Variants in CBLB observed in about 807,000 individuals in gnomAD.
CBLB encodes the protein E3 ubiquitin-protein ligase CBL-B.
Under a neutral mutation model 104.9 loss-of-function variants are expected in CBLB, and 31 were observed. The ratio of observed to expected loss-of-function variants is 0.30; its 90% CI spans 0.22 to 0.40. CBLB has a LOEUF of 0.40. Among genes scored for constraint, CBLB ranks in the 10% least tolerant of loss-of-function variants. CBLB has a pLI of 1.00. For missense variants in CBLB, 1,062 were observed against 1,214.6 expected (o/e 0.87, Z 1.87); for synonymous variants, 440 against 422.6 (o/e 1.04, Z -0.51).
chr3:105,696,520 T>C (rs1001654657), intron 12 of CBLB, among the ~76,000 whole-genome samples: 2 of 151,872 alleles, frequency 1.3e-5, no homozygotes, highest in Non-Finnish European at 3.0e-5. Flanking sequence ...AAAAGAACTA[T>C]AGTTCCTCAA....
At chr3:105,746,664 T>C (rs1159630331) in intron 5 of CBLB, among the ~76,000 whole-genome samples, 1 of 152,230 alleles carries the variant, frequency 6.6e-6, no homozygotes, top group Non-Finnish European at 1.5e-5. Context: ...TTTAAAATTG[T>C]TACCTCTTGC....
At chr3:105,689,208 G>C (rs1439364600) in intron 13 of CBLB, among the ~76,000 whole-genome samples, 1 of 151,850 alleles carries the variant, frequency 6.6e-6, no homozygotes. Flanking sequence ...ATTTTATCTT[G>C]TACAAACTGA....
chr3:105,752,960 G>A (rs377098423), intron 4 of CBLB, among the ~76,000 whole-genome samples: 1 of 152,160 alleles, frequency 6.6e-6, no homozygotes, highest in African/African-American at 2.4e-5. Flanking sequence ...CACTGTTGGG[G>A]AAATACAATT....
At chr3:105,677,020 T>C (rs1026148400) in intron 17 of CBLB, among the ~76,000 whole-genome samples, 3 of 152,144 alleles carry the variant, frequency 2.0e-5, no homozygotes, top group Admixed American at 1.3e-4. Context: ...CCCTTTTCTT[T>C]ACAAATTACC....
chr3:105,718,899 A>G (rs2072338348), intron 10 of CBLB, among the ~76,000 whole-genome samples: 1 of 152,214 alleles, frequency 6.6e-6, no homozygotes, highest in Non-Finnish European at 1.5e-5. Context: ...CCTGATATCC[A>G]AGAGTCTACC....
chr3:105,834,288 AT>A (rs1454947164), intron 3 of CBLB, among the ~76,000 whole-genome samples: 1 of 152,232 alleles, frequency 6.6e-6, no homozygotes. Flanking sequence ...AATTAGCTTG[AT>A]TTAGCCATTC....
chr3:105,813,881 TCTC>T (rs2084651737), intron 3 of CBLB, among the ~76,000 whole-genome samples: 1 of 152,162 alleles, frequency 6.6e-6, no homozygotes, highest in Non-Finnish European at 1.5e-5. Context: ...AATCAGCTTT[TCTC>T]CTCTTCAACA....
intron 3 of CBLB, among the ~76,000 whole-genome samples, chr3:105,778,570 C>G (rs1577106932): frequency 1.3e-5 from 2 of 151,518 alleles, no homozygotes; most frequent in African/African-American, 4.9e-5. Flanking sequence ...TAAAAAAAAA[C>G]AGTCACCTAT....
intron 3 of CBLB, among the ~76,000 whole-genome samples, chr3:105,801,258 AG>A (rs1301834169): frequency 6.6e-6 from 1 of 152,206 alleles, no homozygotes; most frequent in Non-Finnish European, 1.5e-5. Flanking sequence ...TAACTTTAAT[AG>A]CTTATAAAAC....
At chr3:105,738,064 G>A (rs2075140247) in intron 7 of CBLB, among the ~76,000 whole-genome samples, 1 of 152,024 alleles carries the variant, frequency 6.6e-6, no homozygotes, top group Non-Finnish European at 1.5e-5. Context: ...ATTTTTAATT[G>A]AAAAAAGTGG....
intron 3 of CBLB, 56 bp from the exon 4 acceptor site, chr3:105,776,598 A>C: frequency 7.0e-7 from 1 of 1,430,554 alleles, no homozygotes; most frequent in Non-Finnish European, 9.8e-7. Flanking sequence ...GATGCATGCA[A>C]ATTTTTATGG....
chr3:105,762,926 G>T (rs959054559), intron 4 of CBLB, among the ~76,000 whole-genome samples: 1 of 152,212 alleles, frequency 6.6e-6, no homozygotes, highest in Admixed American at 6.5e-5. Context: ...AACCAAGAGG[G>T]AAACTGTACC....
intron 2 of CBLB, among the ~76,000 whole-genome samples, chr3:105,859,381 G>T (rs2091901871): frequency 6.6e-6 from 1 of 152,170 alleles, no homozygotes; most frequent in South Asian, 2.1e-4. Flanking sequence ...GCTAGGCGCG[G>T]TGGCTCACGC....
At chr3:105,795,022 C>A (rs990029251) in intron 3 of CBLB, among the ~76,000 whole-genome samples, 1 of 151,638 alleles carries the variant, frequency 6.6e-6, no homozygotes, top group South Asian at 2.1e-4. Context: ...CAAGAGATTC[C>A]CCTGCCTCAG....
chr3:105,776,347 G>C (rs757733385), intron 4 of CBLB, 49 bp downstream of exon 4: 1 of 1,543,950 alleles, frequency 6.5e-7, no homozygotes, highest in South Asian at 1.1e-5. Flanking sequence ...GGAGGATACA[G>C]TAACCCTTGA....
chr3:105,817,582 T>A (rs921181749), intron 3 of CBLB, among the ~76,000 whole-genome samples: 4 of 152,078 alleles, frequency 2.6e-5, no homozygotes, highest in African/African-American at 9.7e-5. Flanking sequence ...TAAAAAACTA[T>A]CGGGAGATGC....
chr3:105,683,104 CTCTT>C (rs2066521038), intron 14 of CBLB, among the ~76,000 whole-genome samples: 1 of 152,160 alleles, frequency 6.6e-6, no homozygotes, highest in South Asian at 2.1e-4. Flanking sequence ...GTGGCCACTT[CTCTT>C]TAAGGGGCCA....
At chr3:105,809,765 G>A (rs986987357) in intron 3 of CBLB, among the ~76,000 whole-genome samples, 1 of 152,120 alleles carries the variant, frequency 6.6e-6, no homozygotes, top group Admixed American at 6.6e-5. Flanking sequence ...TCAAACAGAC[G>A]AGGGATCAGA....
At chr3:105,765,666 T>C (rs996118885) in intron 4 of CBLB, among the ~76,000 whole-genome samples, 4 of 152,196 alleles carry the variant, frequency 2.6e-5, no homozygotes, top group African/African-American at 9.6e-5. Context: ...TCCTGTGCTC[T>C]ACAAATGGAA....
Sources: allele counts gnomAD v4.1 joint callset (sites outside exome capture counted in the v4.1 genomes callset), GRCh38; gene constraint gnomAD v4.1.1; transcripts MANE v1.5; gene names NCBI Gene and HGNC (gene_info 2026-07-23, HGNC 2026-07-21).